Variants in S1PR1 observed in about 807,000 individuals in gnomAD.
S1PR1 encodes sphingosine-1-phosphate receptor 1, also known as sphingosine 1-phosphate receptor 1.
S1PR1 carries 2 observed loss-of-function variants against 18.3 expected under a neutral mutation model. The ratio of observed to expected loss-of-function variants is 0.11; its 90% CI spans 0.04 to 0.34. S1PR1 has a LOEUF of 0.34. Ranked by LOEUF, S1PR1 falls within the 10% of genes least tolerant of loss-of-function variation. The pLI, the probability that S1PR1 is intolerant of heterozygous loss-of-function variation, is 1.00. For synonymous variants in S1PR1, 222 were observed against 211.2 expected (o/e 1.05, Z -0.44); for missense variants, 335 against 493.8 (o/e 0.68, Z 3.05).
chr1:101,239,650 C>T lies in S1PR1; in HGVS notation c.666C>T (p.Cys222=). 1 of 1,614,106 alleles carries T rather than the reference C, an allele frequency of 6.2e-7. No individual in the cohort carries two copies. ...TGCTCTCCATCGTCATTCTGTACTG[C>T]AGAATCTACTCCTTGGTCAGGACTC... ...LLLLSIVILY[C]RIYSLVRTRS... The change falls in exon 2 of 2, where the codon TGC becomes TGT. Residue 222 remains cysteine (C), a synonymous_variant. Transcript: ENST00000305352. The surrounding 1 kb of genome is among the most constrained non-coding windows in gnomAD (Gnocchi z 6.3).
At chr1:101,238,727 C>A (rs1024079428) in intron 1 of S1PR1, 95 bp from the exon 2 acceptor site, 17 of 455,686 alleles carry the variant, frequency 3.7e-5, no homozygotes, top group African/African-American at 1.6e-4. Context: ...TAAAACAAAT[C>A]AACAACAACA....
At position 101,240,025 on chromosome 1, in the gene S1PR1, C is replaced by T. The variant is rs1182704277; in HGVS notation, c.1041C>T (p.Gly347=). The change falls in exon 2 of 2, where the codon GGC becomes GGT. Residue 347 remains glycine (G), a synonymous_variant. Coordinates refer to ENST00000305352, the MANE Select transcript of S1PR1 (RefSeq NM_001400.5). The part of the protein sequence containing the change: ...AGKFKRPIIA[G]MEFSRSKSDN... ...AATTCAAGCGACCCATCATCGCCGG[C>T]ATGGAATTCAGCCGCAGCAAATCGG... The T allele has an allele frequency of 6.2e-7, 1 of 1,613,964 alleles. No homozygotes were observed. Among genetic ancestry groups the T allele is most frequent in the Non-Finnish European group, 8.5e-7 (1 of 1,180,032 alleles).
Position 101,239,400 on chromosome 1 carries a change from C to T in S1PR1, c.416C>T (p.Ala139Val). The T allele has an allele frequency of 6.2e-7, 1 of 1,614,138 alleles. No homozygotes were observed. The highest frequency in any genetic ancestry group is 8.5e-7 in the Non-Finnish European group (1 of 1,180,024). ...SASVFSLLAI[A>V]IERYITMLKM... ...TCCGTGTTCAGTCTCCTCGCCATCG[C>T]CATTGAGCGCTATATCACAATGCTG... Residue 139 changes from alanine to valine, a missense_variant, in exon 2 of 2, where the codon GCC (alanine) becomes GTC (valine). Coordinates refer to ENST00000305352, the MANE Select transcript of S1PR1 (RefSeq NM_001400.5). The surrounding 1 kb of genome is among the most constrained non-coding windows in gnomAD (Gnocchi z 6.3).
rs755893631 is a variant in S1PR1, at chr1:101,239,089, G to A, written c.105G>A (p.Leu35=). The A allele has an allele frequency of 1.9e-6, 3 of 1,614,256 alleles. No homozygotes were observed. Among genetic ancestry groups the A allele is most frequent in the Non-Finnish European group, 2.5e-6 (3 of 1,180,038 alleles). The change falls in exon 2 of 2, where the codon CTG becomes CTA. Residue 35 remains leucine, a synonymous_variant. Coordinates refer to ENST00000305352, the MANE Select transcript of S1PR1 (RefSeq NM_001400.5). This position sits in a 1 kb window ranked among gnomAD's most constrained non-coding sequence, Gnocchi z 6.3. ...IVRHYNYTGK[L]NISADKENSI... is the part of the protein sequence containing the mutation. ...GGCATTACAACTACACGGGAAAGCT[G>A]AATATCAGCGCGGACAAGGAGAACA...
Position 101,239,049 on chromosome 1 carries a change from A to G in S1PR1, c.65A>G (p.Tyr22Cys). The G allele has an allele frequency of 6.2e-7, 1 of 1,614,262 alleles. No homozygotes were observed. The highest frequency in any genetic ancestry group is 8.5e-7 in the Non-Finnish European group (1 of 1,180,036). The change falls in exon 2 of 2, where the codon TAT (tyrosine) becomes TGT (cysteine). Residue 22 changes from tyrosine to cysteine, a missense_variant. This residue lies in a region of S1PR1 where 31 missense variants were observed against 29.6 expected (regional missense o/e 1.05). Coordinates refer to ENST00000305352, the MANE Select transcript of S1PR1 (RefSeq NM_001400.5). The surrounding 1 kb of genome is among the most constrained non-coding windows in gnomAD (Gnocchi z 6.3). ...AGCTCGGTCTCTGACTACGTCAACT[A>G]TGATATCATCGTCCGGCATTACAAC... ...HRSSVSDYVN[Y>C]DIIVRHYNYT...
At chr1:101,238,131 G>A (rs1327659042) in intron 1 of S1PR1, 2 of 152,078 alleles carry the variant, frequency 1.3e-5, no homozygotes, top group Non-Finnish European at 1.5e-5. Context: ...ACCTCACTGC[G>A]CCCTCGGACC....
In S1PR1 at chr1:101,239,709, CCAAGGCCAGCCG is replaced by C; in HGVS notation, c.728_739del (p.Lys243_Arg246del). 1 of 1,614,030 alleles carries C rather than the reference CCAAGGCCAGCCG, an allele frequency of 6.2e-7. No homozygotes were observed. The highest frequency in any genetic ancestry group is 8.5e-7 in the Non-Finnish European group (1 of 1,180,034). The stretch of plus-strand genomic sequence containing the variant: ...CGCCTGACGTTCCGCAAGAACATTT[CCAAGGCCAGCCG>C]CAGCTCTGAGAAGTCGCTGGCGCTG... On this transcript the variant is annotated inframe_deletion, in exon 2 of 2. Transcript: ENST00000305352. This position sits in a 1 kb window ranked among gnomAD's most constrained non-coding sequence, Gnocchi z 6.3.
Position 101,239,624 on chromosome 1 carries a change from C to T in S1PR1, c.640C>T (p.Leu214=), listed in dbSNP as rs747050461. ...LFCTTVFTLL[L]LSIVILYCRI... ...CTGCACCACGGTCTTCACTCTGCTTCTGCTCTCCATCGTCATTCTGTACTG... is the reference window on the plus strand; with the variant it reads ...CTGCACCACGGTCTTCACTCTGCTTTTGCTCTCCATCGTCATTCTGTACTG... The change falls in exon 2 of 2, where the codon CTG becomes TTG. Residue 214 remains leucine (L), a synonymous_variant. Transcript: ENST00000305352. This position sits in a 1 kb window ranked among gnomAD's most constrained non-coding sequence, Gnocchi z 6.3. 9 of 1,614,132 alleles carry T rather than the reference C, an allele frequency of 5.6e-6. No individual in the cohort carries two copies. In the Admixed American group the frequency reaches 1.2e-4, roughly 21 times the overall value.
In S1PR1 at chr1:101,239,979, C is replaced by G. The variant is rs7549921; in HGVS notation, c.995C>G (p.Pro332Arg). 2.8e-5 allele frequency: 45 copies of G among 1,614,102 alleles called. No homozygotes were observed. In the African/African-American group the frequency reaches 5.5e-4, roughly 20 times the overall value. The change falls in exon 2 of 2, where the codon CCG becomes CGG. Residue 332 changes from proline (P) to arginine (R), a missense_variant. Around this residue, in one of 3 missense-constraint regions of S1PR1, gnomAD observed 90 missense variants for 97.6 expected, o/e 0.92. Transcript: ENST00000305352. This position sits in a 1 kb window ranked among gnomAD's most constrained non-coding sequence, Gnocchi z 6.3. ...CGGATCATGTCCTGCTGCAAGTGCC[C>G]GAGCGGAGACTCTGCTGGCAAATTC... ...FIRIMSCCKC[P>R]SGDSAGKFKR...
At position 101,240,372 on chromosome 1, in the gene S1PR1, A is replaced by AC. The variant is rs1398560180; in HGVS notation, c.*245dup. The AC allele has an allele frequency of 5.2e-6, 3 of 578,304 alleles. No homozygotes were observed. Among genetic ancestry groups the AC allele is most frequent in the Non-Finnish European group, 9.5e-6 (3 of 315,258 alleles). The allele number at this position is 578,304 out of a possible 1,614,324, so 35.8% of individuals were successfully genotyped here. On this transcript the variant is annotated 3_prime_UTR_variant, in exon 2 of 2. Coordinates refer to ENST00000305352, the MANE Select transcript of S1PR1 (RefSeq NM_001400.5). ...GGTCCCGGCCTGGAATATATTTTCT[A>AC]CCCCCCTGGAGCTTTGATTTTGCAC...
At position 101,239,961 on chromosome 1, in the gene S1PR1, T is replaced by C. The variant is rs770559212; in HGVS notation, c.977T>C (p.Met326Thr). 4 of 1,614,154 alleles carry C rather than the reference T, an allele frequency of 2.5e-6. No homozygotes were observed. The highest frequency in any genetic ancestry group is 2.2e-5 in the East Asian group (1 of 44,872). The change falls in exon 2 of 2, where the codon ATG becomes ACG. Residue 326 changes from methionine to threonine, a missense_variant. This residue lies in a region of S1PR1 where 90 missense variants were observed against 97.6 expected (regional missense o/e 0.92). Coordinates refer to ENST00000305352, the MANE Select transcript of S1PR1 (RefSeq NM_001400.5). The surrounding 1 kb of genome is among the most constrained non-coding windows in gnomAD (Gnocchi z 6.3). ...KEMRRAFIRI[M>T]SCCKCPSGDS... The stretch of plus-strand genomic sequence containing the variant: ...ATGCGTCGGGCCTTCATCCGGATCA[T>C]GTCCTGCTGCAAGTGCCCGAGCGGA...
intron 1 of S1PR1, among the ~76,000 whole-genome samples, chr1:101,237,680 C>T (rs1652754611): frequency 6.6e-6 from 1 of 152,144 alleles, no homozygotes; most frequent in Non-Finnish European, 1.5e-5. Context: ...ACTTTCTAGT[C>T]CTAGGAGAGG....
At position 101,239,675 on chromosome 1, in the gene S1PR1, C is replaced by T. The variant is rs138494026; in HGVS notation, c.691C>T (p.Arg231Trp). 2 of 1,614,052 alleles carry T rather than the reference C, an allele frequency of 1.2e-6. No individual in the cohort carries two copies. The highest frequency in any genetic ancestry group is 2.2e-5 in the East Asian group (1 of 44,880). ...CAGAATCTACTCCTTGGTCAGGACT[C>T]GGAGCCGCCGCCTGACGTTCCGCAA... ...YCRIYSLVRTRSRRLTFRKNI... is the reference protein window; with the variant it reads ...YCRIYSLVRTWSRRLTFRKNI... The change falls in exon 2 of 2, where the codon CGG becomes TGG. Residue 231 changes from arginine to tryptophan, a missense_variant. This residue lies in a region of S1PR1 where 214 missense variants were observed against 366.6 expected (regional missense o/e 0.58). Coordinates refer to ENST00000305352, the MANE Select transcript of S1PR1 (RefSeq NM_001400.5). This position sits in a 1 kb window ranked among gnomAD's most constrained non-coding sequence, Gnocchi z 6.3.
Position 101,238,984 on chromosome 1 carries a change from C to T in S1PR1, c.-1C>T. On this transcript the variant is annotated 5_prime_UTR_variant, in exon 2 of 2. Transcript: ENST00000305352. Reference sequence around the variant, plus strand: ...CTTCCTGGGGACACAGGGTTGGCACCATGGGGCCCACCAGCGTCCCGCTGG... The same window carrying T: ...CTTCCTGGGGACACAGGGTTGGCACTATGGGGCCCACCAGCGTCCCGCTGG... 1 of 1,611,220 alleles carries T rather than the reference C, an allele frequency of 6.2e-7. No individual in the cohort carries two copies. Among genetic ancestry groups the T allele is most frequent in the South Asian group, 1.1e-5 (1 of 90,678 alleles).
At chr1:101,238,772 G>A (rs897888368) in intron 1 of S1PR1, 50 bp from the exon 2 acceptor site, 2 of 586,178 alleles carry the variant, frequency 3.4e-6, no homozygotes, top group Non-Finnish European at 6.0e-6. Context: ...AATGAATTAT[G>A]CCAGTATGCT....
intron 1 of S1PR1, among the ~76,000 whole-genome samples, chr1:101,238,528 C>CTTT (rs66807270): frequency 6.9e-6 from 1 of 144,858 alleles, no homozygotes; most frequent in African/African-American, 2.5e-5. Flanking sequence ...TTTTCATCAT[C>CTTT]TTTTTTTTTT....
rs200228790 is a variant in S1PR1, at chr1:101,239,068, T to C, written c.84T>C (p.His28=). ...TCAACTATGATATCATCGTCCGGCA[T>C]TACAACTACACGGGAAAGCTGAATA... ...DYVNYDIIVR[H]YNYTGKLNIS... Residue 28 remains histidine (H), a synonymous_variant, in exon 2 of 2, where the codon CAT becomes CAC. Transcript: ENST00000305352. This position sits in a 1 kb window ranked among gnomAD's most constrained non-coding sequence, Gnocchi z 6.3. 1 of 1,614,246 alleles carries C rather than the reference T, an allele frequency of 6.2e-7. No individual in the cohort carries two copies. Among genetic ancestry groups the C allele is most frequent in the South Asian group, 1.1e-5 (1 of 91,084 alleles).
chr1:101,238,756 A>T, intron 1 of S1PR1, 66 bp from the exon 2 acceptor site: 2 of 567,532 alleles, frequency 3.5e-6, no homozygotes, highest in South Asian at 4.8e-5. Context: ...GCAGTGCCTT[A>T]GCTAGAATGA....
chr1:101,238,862 C>A lies in S1PR1; in HGVS notation c.-123C>A. 2.1e-6 allele frequency: 2 copies of A among 935,048 alleles called. No homozygotes were observed. The highest frequency in any genetic ancestry group is 1.6e-6 in the Non-Finnish European group (1 of 640,148). The allele number at this position is 935,048 out of a possible 1,614,324, so 57.9% of individuals were successfully genotyped here. On this transcript the variant is annotated 5_prime_UTR_variant, in exon 2 of 2. Transcript: ENST00000305352. The stretch of plus-strand genomic sequence containing the variant: ...GCCCTCTCCAGCCAAGGAAAAGCTA[C>A]ACAAAAAGCCTGGATCACTCATCGA...
Sources: allele counts gnomAD v4.1 joint callset (sites outside exome capture counted in the v4.1 genomes callset), GRCh38; gene constraint gnomAD v4.1.1; regional missense constraint gnomAD v4.1.1; non-coding constraint Gnocchi (gnomAD v3.1); transcripts MANE v1.5; gene names NCBI Gene and HGNC (gene_info 2026-07-23, HGNC 2026-07-21).